NTNG1: variants seen among roughly 807,000 people sequenced by gnomAD.
The protein encoded by NTNG1 is netrin G1.
NTNG1 carries 16 observed loss-of-function variants against 54.0 expected under a neutral mutation model. The ratio of observed to expected loss-of-function variants is 0.30; its 90% confidence interval spans 0.20 to 0.45. NTNG1 has a LOEUF of 0.45. Ranked by LOEUF, NTNG1 falls within the 20% of genes least tolerant of loss-of-function variation. The probability of loss-of-function intolerance (pLI) is 1.00; values close to 1 mark genes in which losing one functional copy is unlikely to be tolerated. For synonymous variants in NTNG1, 255 were observed against 263.1 expected, an observed-to-expected ratio of 0.97 and a Z score of 0.30; for missense variants, 530 against 678.7, an observed-to-expected ratio of 0.78 and a Z score of 2.43.
At chr1:107,382,249 C>G (rs906801035) in intron 3 of NTNG1, among the ~76,000 whole-genome samples, 4 of 151,968 alleles carry the variant, frequency 2.6e-5, no homozygotes, top group African/African-American at 9.7e-5. Flanking sequence ...AAGGTGGGGA[C>G]AGTCAAGGAG....
chr1:107,404,197 G>T (rs1673250545), intron 4 of NTNG1, among the ~76,000 whole-genome samples: 1 of 151,396 alleles, frequency 6.6e-6, no homozygotes, highest in Non-Finnish European at 1.5e-5. Context: ...CTTGCCCCTG[G>T]GTGTGTTAGG....
chr1:107,386,674 T>A (rs1672022236), intron 3 of NTNG1, among the ~76,000 whole-genome samples: 1 of 152,204 alleles, frequency 6.6e-6, no homozygotes, highest in African/African-American at 2.4e-5. Context: ...TTTTGGCTAT[T>A]ATGAATAATG....
intron 2 of NTNG1, among the ~76,000 whole-genome samples, chr1:107,188,415 G>A (rs543976082): frequency 6.6e-6 from 1 of 152,222 alleles, no homozygotes; most frequent in East Asian, 1.9e-4. Context: ...CTCTGCATAA[G>A]TAATATACCC....
chr1:107,365,495 A>T (rs1449464897), intron 3 of NTNG1, among the ~76,000 whole-genome samples: 2 of 152,172 alleles, frequency 1.3e-5, no homozygotes, highest in African/African-American at 4.8e-5. Context: ...ACACATGAAT[A>T]TATATATTCA....
chr1:107,415,228 C>T (rs1674116865), intron 5 of NTNG1, among the ~76,000 whole-genome samples: 1 of 152,144 alleles, frequency 6.6e-6, no homozygotes, highest in African/African-American at 2.4e-5. Context: ...CGTGATCCTT[C>T]CCCTCACCCT....
intron 2 of NTNG1, among the ~76,000 whole-genome samples, chr1:107,172,713 A>G (rs982455193): frequency 1.3e-5 from 2 of 152,144 alleles, no homozygotes; most frequent in African/African-American, 2.4e-5. Flanking sequence ...TATGGAATCA[A>G]CCTGATTAAG....
intron 7 of NTNG1, among the ~76,000 whole-genome samples, chr1:107,463,367 C>G (rs185182620): frequency 9.9e-5 from 15 of 152,146 alleles, no homozygotes; most frequent in African/African-American, 9.6e-5. Context: ...TTGACGTTAA[C>G]ATTGTAAACT....
In NTNG1 at chr1:107,221,098, T is replaced by C. The variant is rs977357734; in HGVS notation, c.246+72259T>C. ...GCTATTGTGTGGATTAATTGAGTTA[T>C]ACCATGTAAATTACTTAGCTGGGTA... On this transcript the variant is annotated intron_variant, in intron 2 of 7. Coordinates refer to ENST00000370068, the MANE Select transcript of NTNG1 (RefSeq NM_001113226.3). Among the ~76,000 whole-genome samples, 119 of 152,204 alleles carry C rather than the reference T, an allele frequency of 7.8e-4. 3 individuals carry two copies. Among genetic ancestry groups the C allele is most frequent in the South Asian group, 2.1e-4 (1 of 4,830 alleles).
intron 3 of NTNG1, among the ~76,000 whole-genome samples, chr1:107,335,346 C>A (rs1470591896): frequency 1.3e-5 from 2 of 152,010 alleles, no homozygotes; most frequent in African/African-American, 4.8e-5. Flanking sequence ...AAAAACCTTA[C>A]AACTTGTAAA....
chr1:107,256,303 G>C (rs1662930141), intron 2 of NTNG1, among the ~76,000 whole-genome samples: 1 of 152,154 alleles, frequency 6.6e-6, no homozygotes, highest in Non-Finnish European at 1.5e-5. Context: ...AACCAGGGTG[G>C]TGAGTACTTG....
At chr1:107,206,957 T>C (rs1438567477) in intron 2 of NTNG1, among the ~76,000 whole-genome samples, 1 of 152,204 alleles carries the variant, frequency 6.6e-6, no homozygotes, top group African/African-American at 2.4e-5. Context: ...ACTTTAAGTA[T>C]ATGAACATGG....
intron 2 of NTNG1, among the ~76,000 whole-genome samples, chr1:107,162,209 A>G (rs1181381621): frequency 6.6e-6 from 1 of 152,146 alleles, no homozygotes; most frequent in Admixed American, 6.6e-5. Context: ...GTTTTTCCCA[A>G]GGAATGCACC....
rs1266629555 is a variant in NTNG1 at position 107,428,043 on chromosome 1, G to A, written c.1088-2707G>A. ...TACTCAGATAAAGTTTTATCAGGTAGATTAAAGCATGTAGTTCTGGCCATT... is the reference window on the plus strand; with the variant it reads ...TACTCAGATAAAGTTTTATCAGGTAAATTAAAGCATGTAGTTCTGGCCATT... On this transcript the variant is annotated intron_variant, in intron 5 of 7. Transcript: ENST00000370068. Among the ~76,000 whole-genome samples, 7 of 152,252 alleles carry A rather than the reference G, an allele frequency of 4.6e-5. No homozygotes were observed. In the South Asian group the frequency reaches 1.2e-3, roughly 27 times the overall value.
At chr1:107,298,459 T>C (rs1437549052) in intron 2 of NTNG1, among the ~76,000 whole-genome samples, 2 of 152,118 alleles carry the variant, frequency 1.3e-5, no homozygotes, top group African/African-American at 4.8e-5. Context: ...AAAGAAATCA[T>C]ATGATAGGTA....
chr1:107,473,165 G>C (rs1678093478), intron 7 of NTNG1, among the ~76,000 whole-genome samples: 1 of 152,174 alleles, frequency 6.6e-6, no homozygotes, highest in South Asian at 2.1e-4. Flanking sequence ...AGCTGTCATG[G>C]TAACGCATTA....
chr1:107,205,274 G>A (rs1215326565), intron 2 of NTNG1, among the ~76,000 whole-genome samples: 4 of 152,088 alleles, frequency 2.6e-5, no homozygotes, highest in South Asian at 2.1e-4. Flanking sequence ...TGTAGATCTA[G>A]GCTGTGTCTC....
intron 2 of NTNG1, among the ~76,000 whole-genome samples, chr1:107,295,951 G>A (rs77935020): frequency 0.04 from 6,140 of 151,992 alleles, 408 homozygotes; most frequent in African/African-American, 0.14. Context: ...AACTTCATAT[G>A]CCCTTGACCC....
chr1:107,444,353 A>T (rs1278289639), intron 7 of NTNG1, among the ~76,000 whole-genome samples: 4 of 152,154 alleles, frequency 2.6e-5, no homozygotes, highest in Non-Finnish European at 5.9e-5. Flanking sequence ...ATTCAGAGCA[A>T]CCACAAAAGG....
chr1:107,168,929 T>C lies in NTNG1; in HGVS notation c.246+20090T>C, dbSNP rs192218516. On this transcript the variant is annotated intron_variant, in intron 2 of 7. Coordinates refer to ENST00000370068, the MANE Select transcript of NTNG1 (RefSeq NM_001113226.3). The stretch of plus-strand genomic sequence containing the variant: ...ATTTGCTGAAGCCATTACTAAGGCT[T>C]CCATATGTAGGCTAGCCTTCTTTTT... 2.0e-5 allele frequency among the ~76,000 whole-genome samples: 3 copies of C among 152,282 alleles called. No homozygotes were observed. In the East Asian group the frequency reaches 5.8e-4, roughly 29 times the overall value.
Sources: allele counts gnomAD v4.1 joint callset (sites outside exome capture counted in the v4.1 genomes callset), GRCh38; gene constraint gnomAD v4.1.1; transcripts MANE v1.5; gene names NCBI Gene and HGNC (gene_info 2026-07-23, HGNC 2026-07-21).